Variants in INSL6 observed in about 807,000 individuals in gnomAD.
INSL6 encodes the protein insulin like 6, also known as insulin-like peptide INSL6.
In INSL6, 16 loss-of-function variants were observed where a neutral mutation model predicts 9.4. The observed-to-expected ratio is 1.70, with a 90% CI of 1.15 to 2.59. The LOEUF is 2.59. INSL6 is among the 30% of genes most tolerant of loss of function. The pLI, the probability that INSL6 is intolerant of heterozygous loss-of-function variation, is 0.00. For synonymous variants in INSL6, 154 were observed against 96.9 expected, an observed-to-expected ratio of 1.59 and a Z score of -3.46; for missense variants, 391 against 257.3, an observed-to-expected ratio of 1.52 and a Z score of -3.56.
chr9:5,064,582 A>C, the INSL6 span, among the ~76,000 whole-genome samples: 1 of 152,164 alleles, frequency 6.6e-6, no homozygotes, highest in South Asian at 2.1e-4. Flanking sequence ...CAACTTTTAT[A>C]TCATATTAAA....
intron 2 of INSL6, among the ~76,000 whole-genome samples, chr9:5,139,919 T>C (rs1244066781): frequency 6.6e-6 from 1 of 152,206 alleles, no homozygotes; most frequent in Non-Finnish European, 1.5e-5. Context: ...ATACTTTTGG[T>C]GAACAAAAAT....
the INSL6 span, among the ~76,000 whole-genome samples, chr9:5,023,837 T>C: frequency 1.3e-5 from 2 of 151,484 alleles, no homozygotes; most frequent in African/African-American, 2.4e-5. Context: ...TTTTTTGTTG[T>C]GTGTAGTCTC....
the INSL6 span, chr9:5,112,934 C>A: frequency 2.1e-5 from 5 of 235,996 alleles, no homozygotes; most frequent in Non-Finnish European, 4.1e-5. Context: ...TGGGCTTCAT[C>A]CACATCCACA....
chr9:4,992,609 A>G, the INSL6 span, among the ~76,000 whole-genome samples: 1 of 152,178 alleles, frequency 6.6e-6, no homozygotes, highest in Non-Finnish European at 1.5e-5. Context: ...TCCCATCATG[A>G]CAGTAACTCA....
At chr9:5,184,600 C>CT (rs1159577105) in intron 1 of INSL6, among the ~76,000 whole-genome samples, 1 of 152,146 alleles carries the variant, frequency 6.6e-6, no homozygotes, top group Non-Finnish European at 1.5e-5. Context: ...GTATATAGGG[C>CT]TGACTTTATG....
the INSL6 span, chr9:5,111,813 C>A: frequency 2.4e-6 from 1 of 420,882 alleles, no homozygotes; most frequent in Admixed American, 2.7e-5. Context: ...GCCACGTAGG[C>A]GGCGTCTCCA....
the INSL6 span, among the ~76,000 whole-genome samples, chr9:4,995,105 G>T: frequency 3.3e-5 from 5 of 152,126 alleles, no homozygotes; most frequent in Non-Finnish European, 7.4e-5. Flanking sequence ...CAGATGACTT[G>T]ATTGTTGCCA....
At chr9:5,031,946 C>T in the INSL6 span, among the ~76,000 whole-genome samples, 3 of 152,182 alleles carry the variant, frequency 2.0e-5, no homozygotes, top group Non-Finnish European at 4.4e-5. Flanking sequence ...GAGCATGAGC[C>T]GAAGCAGGGC....
intron 1 of INSL6, among the ~76,000 whole-genome samples, chr9:5,182,850 T>C (rs139539464): frequency 6.6e-6 from 1 of 152,236 alleles, no homozygotes; most frequent in African/African-American, 2.4e-5. Flanking sequence ...ACGGGGTAGG[T>C]CTTGGAGATA....
At chr9:5,118,310 A>C in the INSL6 span, among the ~76,000 whole-genome samples, 1 of 152,048 alleles carries the variant, frequency 6.6e-6, no homozygotes, top group African/African-American at 2.4e-5. Context: ...CTCATTCCAA[A>C]TTTTGCATAA....
chr9:5,167,841 C>G (rs1322617891), intron 1 of INSL6, among the ~76,000 whole-genome samples: 5 of 152,158 alleles, frequency 3.3e-5, no homozygotes, highest in Admixed American at 3.3e-4. Context: ...GTTAGCACCC[C>G]TCTGGGACAA....
the INSL6 span, among the ~76,000 whole-genome samples, chr9:5,116,102 T>C: frequency 6.6e-6 from 1 of 152,182 alleles, no homozygotes; most frequent in Non-Finnish European, 1.5e-5. Context: ...AGGCTTACAT[T>C]GGGCTAAATG....
chr9:5,076,452 T>C, the INSL6 span, among the ~76,000 whole-genome samples: 7 of 152,180 alleles, frequency 4.6e-5, no homozygotes, highest in Admixed American at 4.6e-4. Flanking sequence ...GCAAAAAGAT[T>C]ACAACTTTCT....
At chr9:5,042,589 C>T in the INSL6 span, among the ~76,000 whole-genome samples, 5 of 136,246 alleles carry the variant, frequency 3.7e-5, no homozygotes, top group Middle Eastern at 3.3e-3. Context: ...CCTGGAGGCC[C>T]CCAGGGCTGA....
intron 1 of INSL6, among the ~76,000 whole-genome samples, chr9:5,179,544 C>T (rs1825397581): frequency 6.6e-6 from 1 of 152,172 alleles, no homozygotes; most frequent in Admixed American, 6.5e-5. Context: ...TACATGCAAG[C>T]ATATGTTCAT....
the INSL6 span, among the ~76,000 whole-genome samples, chr9:5,022,812 A>G: frequency 6.6e-6 from 1 of 152,220 alleles, no homozygotes; most frequent in African/African-American, 2.4e-5. Context: ...GCCTACTATC[A>G]TGGTATCTCA....
chr9:5,013,016 T>C, the INSL6 span, among the ~76,000 whole-genome samples: 1 of 152,164 alleles, frequency 6.6e-6, no homozygotes, highest in Non-Finnish European at 1.5e-5. Flanking sequence ...TGAAATATAG[T>C]TTGGAAGTAA....
At chr9:5,033,920 G>C in the INSL6 span, among the ~76,000 whole-genome samples, 1 of 152,162 alleles carries the variant, frequency 6.6e-6, no homozygotes, top group Non-Finnish European at 1.5e-5. Flanking sequence ...TGGGCTAAAT[G>C]CTCCAATTAA....
the INSL6 span, among the ~76,000 whole-genome samples, chr9:5,034,517 A>C: frequency 6.6e-6 from 1 of 152,088 alleles, no homozygotes; most frequent in Non-Finnish European, 1.5e-5. Flanking sequence ...GTGTAAAAGA[A>C]CAGAAATTAT....
Sources: allele counts gnomAD v4.1 joint callset (sites outside exome capture counted in the v4.1 genomes callset), GRCh38; gene constraint gnomAD v4.1.1; transcripts MANE v1.5; gene names NCBI Gene and HGNC (gene_info 2026-07-23, HGNC 2026-07-21).